CTNNA3: variants seen among roughly 807,000 people sequenced by gnomAD.
CTNNA3 encodes the protein catenin alpha-3.
In CTNNA3, 76 loss-of-function variants were observed where a neutral mutation model predicts 95.7. The observed-to-expected ratio is 0.79, with a 90% CI of 0.66 to 0.96. The LOEUF is 0.96. Among genes scored for constraint, CTNNA3 ranks in the 40% least tolerant of loss-of-function variants. CTNNA3 has a pLI of 0.00. For synonymous variants in CTNNA3, 431 were observed against 374.4 expected (o/e 1.15, Z -1.74); for missense variants, 1,191 against 1,089.8 (o/e 1.09, Z -1.31).
chr10:66,844,908 TA>T (rs920004432), intron 7 of CTNNA3, among the ~76,000 whole-genome samples: 4 of 151,918 alleles, frequency 2.6e-5, no homozygotes, highest in Admixed American at 1.3e-4. Context: ...TCATTTATAA[TA>T]AACCTGGTTT....
At chr10:66,569,030 T>A (rs549545959) in intron 10 of CTNNA3, among the ~76,000 whole-genome samples, 2 of 151,998 alleles carry the variant, frequency 1.3e-5, no homozygotes. Context: ...GAACATGCCC[T>A]CTGATAAACT....
intron 12 of CTNNA3, among the ~76,000 whole-genome samples, chr10:66,309,008 C>A (rs2091968224): frequency 1.3e-5 from 2 of 152,264 alleles, no homozygotes; most frequent in South Asian, 4.1e-4. Flanking sequence ...TGCATTTCTT[C>A]TACTTGGCCC....
exon 1 of CTNNA3, among the ~76,000 whole-genome samples, chr10:67,763,445 G>C (rs924998283): frequency 9.2e-5 from 14 of 152,204 alleles, no homozygotes; most frequent in Non-Finnish European, 5.9e-5. Flanking sequence ...TTATCAAGTG[G>C]AGTCACAACA....
chr10:66,586,577 T>C (rs1843366642), intron 10 of CTNNA3, among the ~76,000 whole-genome samples: 1 of 152,156 alleles, frequency 6.6e-6, no homozygotes, highest in South Asian at 2.1e-4. Context: ...TGAACCTGTA[T>C]GGCACACTTC....
intron 15 of CTNNA3, among the ~76,000 whole-genome samples, chr10:66,007,704 T>TCCTCCCTCCCCCCCTCCCTC (rs2078916655): frequency 1.2e-5 from 1 of 86,280 alleles, no homozygotes; most frequent in Non-Finnish European, 2.3e-5. Flanking sequence ...GGCTTTTAGA[T>TCCTCCCTCCCCCCCTCCCTC]CCTCCCTCCC....
In CTNNA3 at chr10:67,499,315, T is replaced by G. The variant is rs536162224; in HGVS notation, c.579+22527A>C. 1.1e-4 allele frequency among the ~76,000 whole-genome samples: 17 copies of G among 152,314 alleles called. 1 individual carries two copies. In the South Asian group the frequency reaches 3.1e-3, roughly 28 times the overall value. On this transcript the variant is annotated intron_variant, in intron 5 of 17. Coordinates refer to ENST00000433211, the MANE Select transcript of CTNNA3 (RefSeq NM_013266.4). ...ATCATGGTGGATAAGCTTTTTGATG[T>G]GCTGCTGGATTCGGTTTGCCAGTCT... is the stretch of plus-strand genomic sequence containing the variant.
chr10:66,617,441 C>T (rs890755742), intron 10 of CTNNA3, among the ~76,000 whole-genome samples: 14 of 152,076 alleles, frequency 9.2e-5, no homozygotes, highest in Admixed American at 7.2e-4. Context: ...AGCATATAAA[C>T]AGAACCAAAG....
At chr10:66,154,396 C>G (rs1250068354) in intron 13 of CTNNA3, among the ~76,000 whole-genome samples, 1 of 151,684 alleles carries the variant, frequency 6.6e-6, no homozygotes, top group African/African-American at 2.4e-5. Flanking sequence ...TACGACAGGT[C>G]TTTTGGAATC....
Position 66,719,111 on chromosome 10 carries a change from A to G in CTNNA3, c.1281+47153T>C, listed in dbSNP as rs903064707. ...CTTTGCACTTTGATTCCTCAAGCCA[A>G]TTTAAGTGTCCTGTGATCTTACGAA... On this transcript the variant is annotated intron_variant, in intron 9 of 17. Transcript: ENST00000433211. Among the ~76,000 whole-genome samples the G allele has an allele frequency of 2.6e-4, 39 of 152,150 alleles. 1 individual carries two copies.
rs569897308 is a variant in CTNNA3, at chr10:66,745,658, C to T, written c.1281+20606G>A. 2.9e-4 allele frequency among the ~76,000 whole-genome samples: 39 copies of T among 135,740 alleles called. No individual in the cohort carries two copies. In the Middle Eastern group the frequency reaches 0.015, roughly 51 times the overall value. 89.1% of individuals were successfully genotyped at this position (135,740 alleles called of 152,430 possible). A position where few individuals can be genotyped will look rare whatever the true frequency, so the allele number is the denominator to read the frequency against. The stretch of plus-strand genomic sequence containing the variant: ...AGGCTGGAGTGCAGTGGTGTGATCT[C>T]GGCTCACTGCAAGCTCCACCTCCTG... On this transcript the variant is annotated intron_variant, in intron 9 of 17. Coordinates refer to ENST00000433211, the MANE Select transcript of CTNNA3 (RefSeq NM_013266.4).
At chr10:66,965,562 G>T (rs372053004) in intron 7 of CTNNA3, among the ~76,000 whole-genome samples, 10 of 38,400 alleles carry the variant, frequency 2.6e-4, no homozygotes, top group African/African-American at 5.8e-4. Context: ...AAAAAAAAAA[G>T]CTGTTTTTTT....
intron 13 of CTNNA3, among the ~76,000 whole-genome samples, chr10:66,172,573 C>G (rs1307196110): frequency 2.0e-5 from 3 of 151,672 alleles, no homozygotes; most frequent in African/African-American, 7.3e-5. Flanking sequence ...ATTTTGATGA[C>G]CATTATTTGC....
intron 15 of CTNNA3, among the ~76,000 whole-genome samples, chr10:66,028,085 A>G (rs2079376935): frequency 1.3e-5 from 2 of 152,174 alleles, no homozygotes; most frequent in Non-Finnish European, 2.9e-5. Flanking sequence ...CGATCCAAGC[A>G]TTACCATACA....
intron 3 of CTNNA3, among the ~76,000 whole-genome samples, chr10:67,591,286 A>G (rs1842780763): frequency 6.6e-6 from 1 of 152,170 alleles, no homozygotes; most frequent in Admixed American, 6.6e-5. Context: ...TTAATTCTAT[A>G]ATTTTAATAC....
chr10:66,856,733 T>C (rs1843698075), intron 7 of CTNNA3, among the ~76,000 whole-genome samples: 1 of 152,068 alleles, frequency 6.6e-6, no homozygotes, highest in African/African-American at 2.4e-5. Flanking sequence ...GTTCATGTCC[T>C]TTGCCCATGT....
chr10:66,344,417 C>T (rs2092484513), intron 12 of CTNNA3, among the ~76,000 whole-genome samples: 1 of 151,382 alleles, frequency 6.6e-6, no homozygotes, highest in African/African-American at 2.4e-5. Context: ...CAGGCATGTG[C>T]CACCATGCCC....
rs532949329 is a variant in CTNNA3 at position 66,529,643 on chromosome 10, G to A, written c.1375-8870C>T. On this transcript the variant is annotated intron_variant, in intron 10 of 17. Coordinates refer to ENST00000433211, the MANE Select transcript of CTNNA3 (RefSeq NM_013266.4). The stretch of plus-strand genomic sequence containing the variant: ...GTAAAAATGGAAGAATAGTGTAGGA[G>A]TTATAAAAATAACATTACTGAGGAC... Among the ~76,000 whole-genome samples, 16 of 152,116 alleles carry A rather than the reference G, an allele frequency of 1.1e-4. No individual in the cohort carries two copies. In the East Asian group the frequency reaches 1.2e-3, roughly 11 times the overall value.
intron 5 of CTNNA3, among the ~76,000 whole-genome samples, chr10:67,330,646 C>G (rs1038811601): frequency 1.3e-5 from 2 of 151,940 alleles, no homozygotes; most frequent in Admixed American, 1.3e-4. Context: ...TGCTGCCACC[C>G]CAGTACCGTC....
At chr10:66,618,521 A>C (rs980750266) in intron 10 of CTNNA3, among the ~76,000 whole-genome samples, 21 of 152,192 alleles carry the variant, frequency 1.4e-4, no homozygotes, top group African/African-American at 5.1e-4. Context: ...AGAAAGCTGA[A>C]ACTGGATCCC....
Sources: allele counts gnomAD v4.1 joint callset (sites outside exome capture counted in the v4.1 genomes callset), GRCh38; gene constraint gnomAD v4.1.1; transcripts MANE v1.5; gene names NCBI Gene and HGNC (gene_info 2026-07-23, HGNC 2026-07-21).